The following SECISBP2L variants were observed in gnomAD, a reference collection of about 807,000 sequenced individuals.
The protein encoded by SECISBP2L is SECIS binding protein 2 like, also known as selenocysteine insertion sequence-binding protein 2-like.
Under a neutral mutation model 114.7 loss-of-function variants are expected in SECISBP2L, and 43 were observed. The observed-to-expected ratio is 0.38, with a 90% CI of 0.29 to 0.48. The LOEUF (loss-of-function observed/expected upper bound fraction) is 0.48, where lower values mean the gene tolerates loss of function less well. Among genes scored for constraint, SECISBP2L ranks in the 20% least tolerant of loss-of-function variants. The probability of loss-of-function intolerance (pLI) is 0.98; values close to 1 mark genes in which losing one functional copy is unlikely to be tolerated. For missense variants in SECISBP2L, 1,136 were observed against 1,301.1 expected (o/e 0.87, Z 1.95); for synonymous variants, 451 against 439.7 (o/e 1.03, Z -0.32).
At position 48,992,593 on chromosome 15, in the gene SECISBP2L, C is replaced by T. The variant is rs905037882; in HGVS notation, c.2957G>A (p.Gly986Asp). The T allele has an allele frequency of 1.2e-6, 2 of 1,614,132 alleles. No homozygotes were observed. Among genetic ancestry groups the T allele is most frequent in the Non-Finnish European group, 1.7e-6 (2 of 1,180,032 alleles). Residue 986 changes from glycine to aspartate, a missense_variant, in exon 18 of 18, where the codon GGC becomes GAC. By Grantham distance (94) the Gly-to-Asp change is moderately conservative. Coordinates refer to ENST00000559471, the MANE Select transcript of SECISBP2L (RefSeq NM_001193489.2). ...TTCATCTTCTTCTTCTTCAAGCATGCCAGGTACAAGAGTGCTGGTGGTGCT... is the reference window on the plus strand; with the variant it reads ...TTCATCTTCTTCTTCTTCAAGCATGTCAGGTACAAGAGTGCTGGTGGTGCT... ...ITSTTSTLVPGMLEEEEDEDE... is the reference protein window; with the variant it reads ...ITSTTSTLVPDMLEEEEDEDE...
In SECISBP2L at chr15:48,992,896, G is replaced by A. The variant is rs1207560222; in HGVS notation, c.2654C>T (p.Ser885Leu). The change falls in exon 18 of 18, where the codon TCA (serine) becomes TTA (leucine). Residue 885 changes from serine to leucine, a missense_variant. This residue lies in a region of SECISBP2L where 684 missense variants were observed against 848.7 expected (regional missense o/e 0.81). Transcript: ENST00000559471. ...ATTTTCTGATGCTTCCAGTCCATCT[G>A]AAGTTTCCACCATGTTTCTCCAATT... ...ETNWRNMVET[S>L]DGLEASENEK... 2 of 1,613,264 alleles carry A rather than the reference G, an allele frequency of 1.2e-6. No individual in the cohort carries two copies. The highest frequency in any genetic ancestry group is 1.7e-6 in the Non-Finnish European group (2 of 1,179,390).
chr15:49,009,090 G>A (rs763327843), intron 14 of SECISBP2L, 126 bp downstream of exon 14: 50 of 997,290 alleles, frequency 5.0e-5, no homozygotes, highest in East Asian at 2.5e-4. Context: ...AACAAAATCC[G>A]AAAGGAGTTA....
At chr15:49,010,153 A>ACACACACACACC (rs1190593953) in intron 13 of SECISBP2L, among the ~76,000 whole-genome samples, 11 of 147,474 alleles carry the variant, frequency 7.5e-5, no homozygotes, top group African/African-American at 1.8e-4. Context: ...ACACACACAC[A>ACACACACACACC]CCCCTCTTGC....
rs1284716492 is a variant in SECISBP2L, at chr15:48,989,409, T to C, written c.*2835A>G. 1 of 152,518 alleles carries C rather than the reference T, an allele frequency of 6.6e-6. No homozygotes were observed. Among genetic ancestry groups the C allele is most frequent in the Non-Finnish European group, 1.5e-5 (1 of 68,018 alleles). The allele number at this position is 152,518 out of a possible 1,614,324, so 9.4% of individuals were successfully genotyped here. On this transcript the variant is annotated 3_prime_UTR_variant, in exon 18 of 18. Coordinates refer to ENST00000559471, the MANE Select transcript of SECISBP2L (RefSeq NM_001193489.2). ...TTCCAAATACTGGAATCATATAAAA[T>C]ACCATCTCTGCAAAAACAACCTCCA...
intron 8 of SECISBP2L, among the ~76,000 whole-genome samples, chr15:49,018,838 C>T (rs1902587596): frequency 6.6e-6 from 1 of 152,122 alleles, no homozygotes; most frequent in Non-Finnish European, 1.5e-5. Flanking sequence ...GTGTATATGC[C>T]TATGTTCTTC....
At chr15:49,034,672 T>TTTTTTTG (rs1555387335) in intron 3 of SECISBP2L, among the ~76,000 whole-genome samples, 2 of 148,848 alleles carry the variant, frequency 1.3e-5, no homozygotes, top group Non-Finnish European at 3.0e-5. Context: ...ATCTTTTGTT[T>TTTTTTTG]TTTTTTTTTT....
Position 48,989,982 on chromosome 15 carries a change from T to C in SECISBP2L, c.*2262A>G, listed in dbSNP as rs1488898686. On this transcript the variant is annotated 3_prime_UTR_variant, in exon 18 of 18. Transcript: ENST00000559471. ...TAATTCTTGGGTTGTCCTCTAGAGGTGACCTGTCTCATAAAAAGGCTATGG... is the reference window on the plus strand; with the variant it reads ...TAATTCTTGGGTTGTCCTCTAGAGGCGACCTGTCTCATAAAAAGGCTATGG... 6.6e-6 allele frequency: 1 copy of C among 152,620 alleles called. No individual in the cohort carries two copies. Among genetic ancestry groups the C allele is most frequent in the East Asian group, 1.9e-4 (1 of 5,200 alleles). The allele number at this position is 152,620 out of a possible 1,614,324, so 9.5% of individuals were successfully genotyped here.
rs769754243 is a variant in SECISBP2L at position 49,017,667 on chromosome 15, C to A, written c.1171-39G>T. On this transcript the variant is annotated intron_variant, in intron 8 of 17. Coordinates refer to ENST00000559471, the MANE Select transcript of SECISBP2L (RefSeq NM_001193489.2). ...CATTTTAAGTAAAAAGAGTTCAAGG[C>A]AAACTCCTAAACTTTTTATAATGCT... The A allele has an allele frequency of 2.8e-6, 4 of 1,429,120 alleles. No homozygotes were observed. In the African/African-American group the frequency reaches 5.7e-5, roughly 20 times the overall value. The allele number at this position is 1,429,120 out of a possible 1,614,324, so 88.5% of individuals were successfully genotyped here.
chr15:49,025,050 T>G (rs1902713095), intron 7 of SECISBP2L, among the ~76,000 whole-genome samples: 1 of 152,210 alleles, frequency 6.6e-6, no homozygotes, highest in African/African-American at 2.4e-5. Flanking sequence ...TGGGTAGGAC[T>G]AGCAATTACA....
chr15:49,029,951 T>C (rs1902851023), intron 4 of SECISBP2L, among the ~76,000 whole-genome samples: 1 of 151,814 alleles, frequency 6.6e-6, no homozygotes, highest in South Asian at 2.1e-4. Context: ...GAGAAATTTT[T>C]ATTAATATTA....
In SECISBP2L at chr15:49,035,474, AAGGTGT is replaced by A; in HGVS notation, c.382_387del (p.Thr128_Pro129del). On this transcript the variant is annotated inframe_deletion, in exon 3 of 18. Coordinates refer to ENST00000559471, the MANE Select transcript of SECISBP2L (RefSeq NM_001193489.2). The stretch of plus-strand genomic sequence containing the variant: ...TTTGCAGCCTGAAAGGTGTTGGAGT[AAGGTGT>A]AGGAAAAGGATGATAGAAACCCATA... 6.2e-7 allele frequency: 1 copy of A among 1,614,156 alleles called. No individual in the cohort carries two copies. Among genetic ancestry groups the A allele is most frequent in the Non-Finnish European group, 8.5e-7 (1 of 1,180,010 alleles).
chr15:49,001,890 C>T (rs1902217905), intron 14 of SECISBP2L: 1 of 152,010 alleles, frequency 6.6e-6, no homozygotes, highest in African/African-American at 2.4e-5. Flanking sequence ...GGTTCCAAGT[C>T]TTTGCTATTG....
Position 49,033,114 on chromosome 15 carries a change from A to G in SECISBP2L, c.529-14T>C. 1 of 1,600,410 alleles carries G rather than the reference A, an allele frequency of 6.2e-7. No homozygotes were observed. Among genetic ancestry groups the G allele is most frequent in the African/African-American group, 1.4e-5 (1 of 73,802 alleles). ...TAAAAGCTGTTGCTGATTTAAAAAA[A>G]AAACAAAAAAACAAAAAACACACAA... is the stretch of plus-strand genomic sequence containing the variant. On this transcript the variant is annotated splice_polypyrimidine_tract_variant and intron_variant, in intron 3 of 17. Transcript: ENST00000559471.
intron 16 of SECISBP2L, among the ~76,000 whole-genome samples, chr15:48,997,187 A>G (rs930442437): frequency 3.3e-5 from 5 of 152,198 alleles, no homozygotes; most frequent in Non-Finnish European, 5.9e-5. Flanking sequence ...CAGACATAAG[A>G]AAAGTATAAG....
intron 1 of SECISBP2L, among the ~76,000 whole-genome samples, chr15:49,044,688 G>C (rs941177799): frequency 2.0e-5 from 3 of 152,102 alleles, no homozygotes; most frequent in African/African-American, 7.2e-5. Flanking sequence ...GGTTTTAATA[G>C]GTCGTGGACT....
chr15:49,010,026 G>T (rs1034598012), intron 13 of SECISBP2L, among the ~76,000 whole-genome samples: 1 of 151,756 alleles, frequency 6.6e-6, no homozygotes, highest in Non-Finnish European at 1.5e-5. Context: ...CCAGCTACTC[G>T]GGAGGCTAAG....
intron 3 of SECISBP2L, among the ~76,000 whole-genome samples, chr15:49,034,669 G>GTTTTTTTTTTT (rs58267682): frequency 7.6e-5 from 10 of 132,128 alleles, no homozygotes; most frequent in South Asian, 4.8e-4. Flanking sequence ...TATATCTTTT[G>GTTTTTTTTTTT]TTTTTTTTTT....
chr15:49,012,506 T>G, intron 12 of SECISBP2L, 142 bp downstream of exon 12: 2 of 815,000 alleles, frequency 2.5e-6, no homozygotes, highest in South Asian at 3.3e-5. Context: ...AGCTTCAAAT[T>G]AACACATTAT....
chr15:49,035,210 A>C (rs1902979897), intron 3 of SECISBP2L, 124 bp downstream of exon 3: 2 of 790,672 alleles, frequency 2.5e-6, no homozygotes, highest in Non-Finnish European at 3.9e-6. Flanking sequence ...TTACCATTTT[A>C]CAATAGTGAA....
Sources: allele counts gnomAD v4.1 joint callset (sites outside exome capture counted in the v4.1 genomes callset), GRCh38; gene constraint gnomAD v4.1.1; regional missense constraint gnomAD v4.1.1; transcripts MANE v1.5; gene names NCBI Gene and HGNC (gene_info 2026-07-23, HGNC 2026-07-21).